Variants in SGCZ observed in about 807,000 individuals in gnomAD.
The protein encoded by SGCZ is sarcoglycan zeta, also known as zeta-sarcoglycan.
Under a neutral mutation model 41.3 loss-of-function variants are expected in SGCZ, and 40 were observed. That is an observed-to-expected ratio of 0.97 (90% CI 0.75 to 1.26). SGCZ has a LOEUF of 1.26. SGCZ is among the 50% of genes most tolerant of loss of function. The probability of loss-of-function intolerance (pLI) is 0.00; values close to 1 mark genes in which losing one functional copy is unlikely to be tolerated. For synonymous variants in SGCZ, 206 were observed against 137.5 expected, an observed-to-expected ratio of 1.50 and a Z score of -3.49; for missense variants, 552 against 369.8, an observed-to-expected ratio of 1.49 and a Z score of -4.04.
intron 2 of SGCZ, among the ~76,000 whole-genome samples, chr8:14,333,302 A>G (rs1449700355): frequency 1.3e-5 from 2 of 152,218 alleles, no homozygotes; most frequent in African/African-American, 4.8e-5. Flanking sequence ...GTAAATGGAG[A>G]CAACTGCAAA....
Position 14,354,829 on chromosome 8 carries a change from CAT to C in SGCZ, c.235-30627_235-30626del, listed in dbSNP as rs548472937. On this transcript the variant is annotated intron_variant, in intron 2 of 7. Coordinates refer to ENST00000382080, the MANE Select transcript of SGCZ (RefSeq NM_139167.4). ...TGTATTTAATTATGAATTCTTCACACATGTTTAATTATTCTGTTAGTAAAGCA... is the reference window on the plus strand; with the variant it reads ...TGTATTTAATTATGAATTCTTCACACGTTTAATTATTCTGTTAGTAAAGCA... Among the ~76,000 whole-genome samples the C allele has an allele frequency of 1.9e-3, 290 of 151,870 alleles. 1 individual carries two copies. The highest frequency in any genetic ancestry group is 6.7e-3 in the African/African-American group (279 of 41,504).
rs576942937 is a variant in SGCZ, at chr8:14,222,385, G to C, written c.424+15207C>G. 1.5e-3 allele frequency among the ~76,000 whole-genome samples: 234 copies of C among 152,110 alleles called. 1 individual carries two copies. In the Middle Eastern group the frequency reaches 0.02, roughly 13 times the overall value. On this transcript the variant is annotated intron_variant, in intron 4 of 7. Transcript: ENST00000382080. ...GGGTTTCACTATCTTGGCCAGGCTGGTCTTGAGCTCCTGACCTTGTGATCC... is the reference window on the plus strand; with the variant it reads ...GGGTTTCACTATCTTGGCCAGGCTGCTCTTGAGCTCCTGACCTTGTGATCC...
chr8:14,614,050 A>T (rs1445722936), intron 1 of SGCZ, among the ~76,000 whole-genome samples: 1 of 152,114 alleles, frequency 6.6e-6, no homozygotes, highest in Non-Finnish European at 1.5e-5. Flanking sequence ...GGCCGCTCAC[A>T]CTCATTTGAA....
intron 1 of SGCZ, among the ~76,000 whole-genome samples, chr8:15,126,302 T>C (rs1244487462): frequency 2.0e-5 from 3 of 152,222 alleles, no homozygotes; most frequent in Non-Finnish European, 4.4e-5. Flanking sequence ...TCTACAGAGA[T>C]ATGATTATAT....
intron 1 of SGCZ, among the ~76,000 whole-genome samples, chr8:15,181,697 G>C (rs13260980): frequency 1.3e-5 from 2 of 151,894 alleles, no homozygotes; most frequent in African/African-American, 4.8e-5. Flanking sequence ...TTCGAAAGTC[G>C]CTAGGGCAAG....
rs1018631930 is a variant in SGCZ at position 15,066,135 on chromosome 8, C to T, written c.39+171450G>A. Reference sequence around the variant, plus strand: ...CATCCTGGCTAACAAGGTGAAACCCCGTCTCTACCAAAAATACAAAAAATT... The same window carrying T: ...CATCCTGGCTAACAAGGTGAAACCCTGTCTCTACCAAAAATACAAAAAATT... On this transcript the variant is annotated intron_variant, in intron 1 of 7. Coordinates refer to ENST00000382080, the MANE Select transcript of SGCZ (RefSeq NM_139167.4). Among the ~76,000 whole-genome samples the T allele has an allele frequency of 2.4e-4, 37 of 151,444 alleles. 1 individual carries two copies. The highest frequency in any genetic ancestry group is 9.9e-4 in the Admixed American group (15 of 15,212).
chr8:14,401,574 G>C (rs549683533), intron 2 of SGCZ, among the ~76,000 whole-genome samples: 3 of 150,708 alleles, frequency 2.0e-5, no homozygotes, highest in East Asian at 3.9e-4. Context: ...TACTGAGAAT[G>C]ATGATTTCCA....
At position 14,975,735 on chromosome 8, in the gene SGCZ, T is replaced by C. The variant is rs553149954; in HGVS notation, c.39+261850A>G. Among the ~76,000 whole-genome samples, 12 of 151,698 alleles carry C rather than the reference T, an allele frequency of 7.9e-5. No homozygotes were observed. In the South Asian group the frequency reaches 2.5e-3, roughly 32 times the overall value. ...TGCTGTGTTTTCTCTTACGAAATAG[T>C]ATGTTTTTACCTTATTGACAATATA... is the stretch of plus-strand genomic sequence containing the variant. On this transcript the variant is annotated intron_variant, in intron 1 of 7. Coordinates refer to ENST00000382080, the MANE Select transcript of SGCZ (RefSeq NM_139167.4).
intron 1 of SGCZ, among the ~76,000 whole-genome samples, chr8:14,592,072 A>G (rs547075430): frequency 2.0e-5 from 3 of 152,124 alleles, no homozygotes; most frequent in Non-Finnish European, 4.4e-5. Context: ...AAATATAGCA[A>G]AGACTTGAAA....
chr8:14,368,435 A>C (rs1173334311), intron 2 of SGCZ, among the ~76,000 whole-genome samples: 1 of 152,086 alleles, frequency 6.6e-6, no homozygotes, highest in Non-Finnish European at 1.5e-5. Context: ...CAGCAATTAG[A>C]TGAAATAAGT....
intron 2 of SGCZ, among the ~76,000 whole-genome samples, chr8:14,352,021 C>T (rs554636490): frequency 1.6e-3 from 243 of 152,128 alleles, no homozygotes; most frequent in Non-Finnish European, 1.4e-3. Context: ...ATACATAGCA[C>T]GGTACCTTAT....
chr8:14,159,374 C>G (rs1803974090), intron 5 of SGCZ, among the ~76,000 whole-genome samples: 3 of 151,902 alleles, frequency 2.0e-5, no homozygotes, highest in Admixed American at 1.3e-4. Flanking sequence ...ATATTTAAAG[C>G]TTAAAAAAAT....
intron 1 of SGCZ, among the ~76,000 whole-genome samples, chr8:14,845,378 C>T (rs1803064336): frequency 6.7e-6 from 1 of 149,730 alleles, no homozygotes; most frequent in Non-Finnish European, 1.5e-5. Context: ...CCAAACAAAG[C>T]TTTTTGTTAT....
chr8:14,877,095 T>C (rs1804390258), intron 1 of SGCZ, among the ~76,000 whole-genome samples: 1 of 152,174 alleles, frequency 6.6e-6, no homozygotes, highest in Non-Finnish European at 1.5e-5. Flanking sequence ...TGCCTCAGCC[T>C]CCTGAGTAGC....
chr8:14,310,123 T>G (rs1801485824), intron 3 of SGCZ, among the ~76,000 whole-genome samples: 3 of 152,006 alleles, frequency 2.0e-5, no homozygotes, highest in Admixed American at 2.0e-4. Flanking sequence ...TTTCTAGCAA[T>G]TTTCTTTGTT....
intron 4 of SGCZ, among the ~76,000 whole-genome samples, chr8:14,217,070 G>T (rs1269587671): frequency 6.6e-6 from 1 of 152,028 alleles, no homozygotes; most frequent in African/African-American, 2.4e-5. Flanking sequence ...GGTGGATCAC[G>T]AGGTCAGGGG....
chr8:14,824,017 A>G (rs1729215519), intron 1 of SGCZ, among the ~76,000 whole-genome samples: 1 of 149,870 alleles, frequency 6.7e-6, no homozygotes, highest in Admixed American at 6.9e-5. Flanking sequence ...GCTTATATAT[A>G]GAATCTAAAG....
intron 2 of SGCZ, among the ~76,000 whole-genome samples, chr8:14,460,300 T>C (rs2116949847): frequency 6.6e-6 from 1 of 152,188 alleles, no homozygotes; most frequent in South Asian, 2.1e-4. Context: ...GCTAAAAGAG[T>C]TATTCATCCA....
intron 1 of SGCZ, among the ~76,000 whole-genome samples, chr8:14,743,556 G>A (rs1419464135): frequency 6.6e-6 from 1 of 151,838 alleles, no homozygotes; most frequent in East Asian, 1.9e-4. Context: ...AATGGGGGAA[G>A]AATAAAATAC....
Sources: allele counts gnomAD v4.1 joint callset (sites outside exome capture counted in the v4.1 genomes callset), GRCh38; gene constraint gnomAD v4.1.1; transcripts MANE v1.5; gene names NCBI Gene and HGNC (gene_info 2026-07-23, HGNC 2026-07-21).